The following SAYSD1 variants were observed in gnomAD, a reference collection of about 807,000 sequenced individuals.
The protein encoded by SAYSD1 is SAYSVFN motif domain containing 1.
A neutral mutation model predicts 14.5 loss-of-function variants in SAYSD1; 15 were observed. The ratio of observed to expected loss-of-function variants is 1.03; its 90% CI spans 0.69 to 1.59. The LOEUF (loss-of-function observed/expected upper bound fraction) is 1.59. SAYSD1 is among the 40% of genes most tolerant of loss of function. The pLI, the probability that SAYSD1 is intolerant of heterozygous loss-of-function variation, is 0.00. For synonymous variants in SAYSD1, 105 were observed against 102.6 expected (o/e 1.02, Z -0.14); for missense variants, 247 against 227.3 (o/e 1.09, Z -0.56).
At chr6:39,109,690 T>C in intron 1 of SAYSD1, 1 of 995,328 alleles carries the variant, frequency 1.0e-6, no homozygotes, top group Non-Finnish European at 1.2e-6. Flanking sequence ...GGACTTCCTC[T>C]ACCAGGCTCA....
Position 39,105,712 on chromosome 6 carries a change from G to T in SAYSD1, c.272C>A (p.Ser91Ter). ...TPWNTAIPLPSCWDQSFLTNI... is the reference protein window; with the variant it reads ...TPWNTAIPLP ...GGTCAGGAAAGACTGGTCCCAGCAC[G>T]ACGGCAGAGGAATGGCTGTGTTCCA... Residue 91 changes from serine to a stop codon, truncating the protein, a stop_gained, in exon 2 of 2, where the codon TCG becomes TAG. Coordinates refer to ENST00000229903, the MANE Select transcript of SAYSD1 (RefSeq NM_018322.3). LOFTEE classifies it high-confidence loss of function. 1 of 1,614,192 alleles carries T rather than the reference G, an allele frequency of 6.2e-7. No homozygotes were observed. The highest frequency in any genetic ancestry group is 1.3e-5 in the African/African-American group (1 of 75,056).
intron 1 of SAYSD1, among the ~76,000 whole-genome samples, chr6:39,106,076 T>C (rs1769497480): frequency 6.6e-6 from 1 of 152,226 alleles, no homozygotes. Flanking sequence ...AGAGCTAATT[T>C]GTGCCCCATA....
chr6:39,113,409 TCTAAA>T (rs746072546), intron 1 of SAYSD1: 2 of 152,632 alleles, frequency 1.3e-5, no homozygotes, highest in Non-Finnish European at 2.9e-5. Context: ...CTTTTTCTTT[TCTAAA>T]CTAGAGGCAG....
chr6:39,105,102 T>C lies in SAYSD1; in HGVS notation c.*330A>G, dbSNP rs1467333947. The stretch of plus-strand genomic sequence containing the variant: ...CCTAATCATACTTCAAACTGCTGGA[T>C]GTTTTAAGCTGAGAATCTCCCCAGT... On this transcript the variant is annotated 3_prime_UTR_variant, in exon 2 of 2. Transcript: ENST00000229903. 1 of 268,320 alleles carries C rather than the reference T, an allele frequency of 3.7e-6. No individual in the cohort carries two copies. Among genetic ancestry groups the C allele is most frequent in the Non-Finnish European group, 7.0e-6 (1 of 142,244 alleles). The allele number at this position is 268,320 out of a possible 1,614,324, so 16.6% of individuals were successfully genotyped here. A position where few individuals can be genotyped will look rare whatever the true frequency, so the allele number is the denominator to read the frequency against.
chr6:39,107,540 C>T (rs892495386), intron 1 of SAYSD1, among the ~76,000 whole-genome samples: 2 of 152,244 alleles, frequency 1.3e-5, no homozygotes, highest in African/African-American at 4.8e-5. Flanking sequence ...TCTTCAGTTA[C>T]ATCCCCTATT....
chr6:39,106,840 G>T (rs544800899), intron 1 of SAYSD1, among the ~76,000 whole-genome samples: 15 of 152,288 alleles, frequency 9.8e-5, no homozygotes, highest in African/African-American at 3.4e-4. Flanking sequence ...CAGTAGACAG[G>T]CCCCTGTGCC....
At position 39,114,969 on chromosome 6, in the gene SAYSD1, G is replaced by C. The variant is rs750084982; in HGVS notation, c.121C>G (p.Leu41Val). 6.8e-6 allele frequency: 11 copies of C among 1,613,958 alleles called. No homozygotes were observed. The highest frequency in any genetic ancestry group is 9.3e-6 in the Non-Finnish European group (11 of 1,179,930). ...PGEKAEAAATLKAAPGWLKRF... is the reference protein window; with the variant it reads ...PGEKAEAAATVKAAPGWLKRF... ...TTTAGCCAGCCTGGGGCTGCCTTTA[G>C]AGTCGCTGCTGCTTCCGCCTTCTCT... The change falls in exon 1 of 2, where the codon CTA becomes GTA. Residue 41 changes from leucine (L) to valine (V), a missense_variant. Physicochemically the swap from Leu to Val is conservative, Grantham distance 32. Coordinates refer to ENST00000229903, the MANE Select transcript of SAYSD1 (RefSeq NM_018322.3).
Position 39,105,470 on chromosome 6 carries a change from C to T in SAYSD1, c.514G>A (p.Glu172Lys). 6.2e-7 allele frequency: 1 copy of T among 1,614,254 alleles called. No individual in the cohort carries two copies. The highest frequency in any genetic ancestry group is 8.5e-7 in the Non-Finnish European group (1 of 1,180,050). ...AGGGGTCTCAACTGTAACTCGCGCTCCAACTGCTCTGCAGTCAGGGTGCCC... is the reference window on the plus strand; with the variant it reads ...AGGGGTCTCAACTGTAACTCGCGCTTCAACTGCTCTGCAGTCAGGGTGCCC... The part of the protein sequence containing the change: ...IQGTLTAEQL[E>K]RELQLRPLAG... The change falls in exon 2 of 2, where the codon GAG (glutamate) becomes AAG (lysine). Residue 172 changes from glutamate to lysine, a missense_variant. Transcript: ENST00000229903.
Position 39,115,035 on chromosome 6 carries a change from C to T in SAYSD1, c.55G>A (p.Ala19Thr), listed in dbSNP as rs754344789. The change falls in exon 1 of 2, where the codon GCC (alanine) becomes ACC (threonine). Residue 19 changes from alanine (A) to threonine (T), a missense_variant. By Grantham distance (58) the Ala-to-Thr change is moderately conservative. Coordinates refer to ENST00000229903, the MANE Select transcript of SAYSD1 (RefSeq NM_018322.3). ...RAARKRAGLA[A>T]QPPAASQGAQ... ...CCCTGACTGGCAGCAGGGGGTTGGGCCGCCAGACCCGCCCGTTTCCGCGCC... is the reference window on the plus strand; with the variant it reads ...CCCTGACTGGCAGCAGGGGGTTGGGTCGCCAGACCCGCCCGTTTCCGCGCC... 1.2e-6 allele frequency: 2 copies of T among 1,612,112 alleles called. No homozygotes were observed. Among genetic ancestry groups the T allele is most frequent in the East Asian group, 4.5e-5 (2 of 44,880 alleles).
Position 39,105,715 on chromosome 6 carries a change from G to A in SAYSD1, c.269C>T (p.Pro90Leu), listed in dbSNP as rs752280318. 11 of 1,614,066 alleles carry A rather than the reference G, an allele frequency of 6.8e-6. No homozygotes were observed. Among genetic ancestry groups the A allele is most frequent in the African/African-American group, 2.7e-5 (2 of 74,934 alleles). ...ETPWNTAIPLPSCWDQSFLTN... is the reference protein window; with the variant it reads ...ETPWNTAIPLLSCWDQSFLTN... ...CAGGAAAGACTGGTCCCAGCACGAC[G>A]GCAGAGGAATGGCTGTGTTCCATGG... The change falls in exon 2 of 2, where the codon CCG (proline) becomes CTG (leucine). Residue 90 changes from proline to leucine, a missense_variant. Physicochemically the swap from Pro to Leu is moderately conservative, Grantham distance 98 (BLOSUM62 -3). Transcript: ENST00000229903.
chr6:39,109,569 G>A lies in SAYSD1; in HGVS notation c.208-3793C>T, dbSNP rs1049646921. 7.0e-6 allele frequency: 10 copies of A among 1,420,442 alleles called. No individual in the cohort carries two copies. In the African/African-American group the frequency reaches 8.7e-5, roughly 12 times the overall value. The allele number at this position is 1,420,442 out of a possible 1,614,324, so 88.0% of individuals were successfully genotyped here. A position where few individuals can be genotyped will look rare whatever the true frequency, so the allele number is the denominator to read the frequency against. Reference sequence around the variant, plus strand: ...AATGACATGGTTTAGTTATTTTGATGGCCAAAGAGTATTCTTTGTGCATAT... The same window carrying A: ...AATGACATGGTTTAGTTATTTTGATAGCCAAAGAGTATTCTTTGTGCATAT... On this transcript the variant is annotated intron_variant, in intron 1 of 1. Coordinates refer to ENST00000229903, the MANE Select transcript of SAYSD1 (RefSeq NM_018322.3).
At chr6:39,109,695 G>T in intron 1 of SAYSD1, 1 of 966,086 alleles carries the variant, frequency 1.0e-6, no homozygotes, top group Non-Finnish European at 1.3e-6. Flanking sequence ...TCCTCTACCA[G>T]GCTCATTTCC....
At position 39,114,902 on chromosome 6, in the gene SAYSD1, G is replaced by A. The variant is rs566769123; in HGVS notation, c.188C>T (p.Ala63Val). Residue 63 changes from alanine (A) to valine (V), a missense_variant, in exon 1 of 2, where the codon GCC becomes GTC. Ala to Val is a moderately conservative substitution (Grantham distance 64). Coordinates refer to ENST00000229903, the MANE Select transcript of SAYSD1 (RefSeq NM_018322.3). ...TCTCACCTGAACTAGGCCGGGCTGG[G>A]CCCGGGCACTCGCGGGCCTAGGTTT... The part of the protein sequence containing the change: ...VWKPRPASAR[A>V]QPGLVQEAAQ... The A allele has an allele frequency of 3.1e-6, 5 of 1,612,714 alleles. No homozygotes were observed. The highest frequency in any genetic ancestry group is 3.3e-5 in the Admixed American group (2 of 60,028).
At chr6:39,114,026 G>A (rs1055500074) in intron 1 of SAYSD1, among the ~76,000 whole-genome samples, 2 of 152,162 alleles carry the variant, frequency 1.3e-5, no homozygotes, top group African/African-American at 4.8e-5. Flanking sequence ...GGTGAGCAAG[G>A]TACACTTTTC....
intron 1 of SAYSD1, among the ~76,000 whole-genome samples, chr6:39,109,882 C>T (rs928825859): frequency 2.0e-5 from 3 of 152,166 alleles, no homozygotes; most frequent in African/African-American, 7.2e-5. Flanking sequence ...CTAGGTTCAA[C>T]AGTGTGGCTG....
intron 1 of SAYSD1, among the ~76,000 whole-genome samples, chr6:39,107,596 C>A (rs1230086477): frequency 2.0e-5 from 3 of 152,196 alleles, no homozygotes; most frequent in Non-Finnish European, 4.4e-5. Context: ...TACTGGTCAT[C>A]TGATTTATGA....
chr6:39,109,129 C>T (rs961084319), intron 1 of SAYSD1, among the ~76,000 whole-genome samples: 1 of 152,110 alleles, frequency 6.6e-6, no homozygotes, highest in Non-Finnish European at 1.5e-5. Flanking sequence ...CACAGCTGTG[C>T]TTAGCCAGGC....
intron 1 of SAYSD1, among the ~76,000 whole-genome samples, chr6:39,107,747 A>G (rs912767943): frequency 1.3e-5 from 2 of 152,226 alleles, no homozygotes; most frequent in African/African-American, 4.8e-5. Flanking sequence ...TACTCATTAA[A>G]GAAAGAAATG....
rs566235474 is a variant in SAYSD1, at chr6:39,104,474, C to T, written c.*958G>A. ...GTGAAAAAGCTGCTTACTCTAAAGC[C>T]CTTAGAACCGTATTGTGAACTGCGC... is the stretch of plus-strand genomic sequence containing the variant. On this transcript the variant is annotated 3_prime_UTR_variant, in exon 2 of 2. Coordinates refer to ENST00000229903, the MANE Select transcript of SAYSD1 (RefSeq NM_018322.3). 5 of 152,016 alleles carry T rather than the reference C, an allele frequency of 3.3e-5. 1 individual carries two copies. Among genetic ancestry groups the T allele is most frequent in the Admixed American group, 1.3e-4 (2 of 15,276 alleles). The allele number at this position is 152,016 out of a possible 1,614,324, so 9.4% of individuals were successfully genotyped here.
Sources: gnomAD v4.1 joint callset for allele counts (sites outside exome capture counted in the v4.1 genomes callset) on GRCh38, gnomAD v4.1.1 for gene constraint, MANE v1.5 for transcripts, NCBI Gene and HGNC (gene_info 2026-07-23, HGNC 2026-07-21) for gene names.